TUSC3: variants seen among roughly 807,000 people sequenced by gnomAD.
The protein encoded by TUSC3 is tumor suppressor candidate 3, also known as dolichyl-diphosphooligosaccharide--protein glycosyltransferase subunit TUSC3.
Under a neutral mutation model 44.8 loss-of-function variants are expected in TUSC3, and 45 were observed. The ratio of observed to expected loss-of-function variants is 1.00; its 90% CI spans 0.79 to 1.29. TUSC3 has a LOEUF of 1.29. Among genes scored for constraint, TUSC3 ranks in the 50% most tolerant of loss-of-function variants. The pLI is 0.00. For synonymous variants in TUSC3, 212 were observed against 152.9 expected, an observed-to-expected ratio of 1.39 and a Z score of -2.85; for missense variants, 519 against 437.9, an observed-to-expected ratio of 1.19 and a Z score of -1.65.
At chr8:15,455,894 T>G (rs1800250823) in intron 1 of TUSC3, among the ~76,000 whole-genome samples, 1 of 152,186 alleles carries the variant, frequency 6.6e-6, no homozygotes, top group Non-Finnish European at 1.5e-5. Context: ...TCTGCTAAAG[T>G]GTAGCTTCCC....
At chr8:15,607,607 AC>A (rs1804585528) in intron 1 of TUSC3, among the ~76,000 whole-genome samples, 2 of 152,176 alleles carry the variant, frequency 1.3e-5, no homozygotes, top group Admixed American at 1.3e-4. Context: ...TACACTGAAT[AC>A]CCAGATATCG....
At chr8:15,583,994 G>A (rs907761721) in intron 1 of TUSC3, among the ~76,000 whole-genome samples, 1 of 152,200 alleles carries the variant, frequency 6.6e-6, no homozygotes, top group Non-Finnish European at 1.5e-5. Context: ...TTTGTCCTCT[G>A]TATTGCAGGG....
intron 3 of TUSC3, among the ~76,000 whole-genome samples, chr8:15,655,901 G>A (rs1159011633): frequency 6.6e-6 from 1 of 152,054 alleles, no homozygotes; most frequent in Admixed American, 6.6e-5. Context: ...TCTAAATTCT[G>A]TAGAAATAAT....
downstream of TUSC3, among the ~76,000 whole-genome samples, chr8:15,771,421 G>T (rs1297863250): frequency 1.3e-5 from 2 of 152,096 alleles, no homozygotes; most frequent in Non-Finnish European, 2.9e-5. Context: ...CCTTCAAGCT[G>T]AAAGGACAAC....
chr8:15,635,583 A>C (rs1478669144), intron 2 of TUSC3, among the ~76,000 whole-genome samples: 1 of 152,174 alleles, frequency 6.6e-6, no homozygotes, highest in Non-Finnish European at 1.5e-5. Context: ...AGCACAATGT[A>C]CTCTAACACA....
At chr8:15,537,915 A>T (rs1372907810), upstream of TUSC3, among the ~76,000 whole-genome samples, 1 of 152,220 alleles carries the variant, frequency 6.6e-6, no homozygotes, top group Non-Finnish European at 1.5e-5. Flanking sequence ...GGCTATTTTT[A>T]TGTCTCAAGG....
At chr8:15,554,965 A>AT (rs1802190381) in intron 1 of TUSC3, among the ~76,000 whole-genome samples, 1 of 151,436 alleles carries the variant, frequency 6.6e-6, no homozygotes, top group Non-Finnish European at 1.5e-5. Context: ...TCAGAAAGCA[A>AT]TGAAGCGCTG....
intron 2 of TUSC3, among the ~76,000 whole-genome samples, chr8:15,483,867 C>A (rs984417351): frequency 1.4e-5 from 2 of 146,100 alleles, no homozygotes; most frequent in Non-Finnish European, 3.0e-5. Flanking sequence ...CTGTGTTAGC[C>A]AGGGTGGTCT....
intron 2 of TUSC3, among the ~76,000 whole-genome samples, chr8:15,534,253 G>A (rs758442853): frequency 3.3e-5 from 5 of 152,076 alleles, no homozygotes; most frequent in South Asian, 4.1e-4. Context: ...TAAAGAGTCC[G>A]TAGAATTTAC....
At chr8:15,756,959 A>G (rs533885857) in intron 9 of TUSC3, among the ~76,000 whole-genome samples, 17 of 152,282 alleles carry the variant, frequency 1.1e-4, no homozygotes, top group Middle Eastern at 3.4e-3. Flanking sequence ...TCTGAGCAAG[A>G]TGGTGTCTCT....
intron 1 of TUSC3, among the ~76,000 whole-genome samples, chr8:15,577,295 G>T (rs1803155021): frequency 6.6e-6 from 1 of 151,592 alleles, no homozygotes. Context: ...TTCTTTTGCT[G>T]TGCAGAAGCT....
At chr8:15,425,950 A>G (rs993931901) in intron 1 of TUSC3, among the ~76,000 whole-genome samples, 1 of 152,228 alleles carries the variant, frequency 6.6e-6, no homozygotes, top group Non-Finnish European at 1.5e-5. Context: ...CAGGAGTTCA[A>G]GGCTGCAGTG....
At chr8:15,614,655 G>A (rs1043280718) in intron 1 of TUSC3, among the ~76,000 whole-genome samples, 2 of 152,064 alleles carry the variant, frequency 1.3e-5, no homozygotes, top group African/African-American at 4.8e-5. Context: ...GTATTCCATT[G>A]TGTGGACCTA....
At chr8:15,711,237 A>G (rs2129199730) in intron 6 of TUSC3, among the ~76,000 whole-genome samples, 1 of 151,886 alleles carries the variant, frequency 6.6e-6, no homozygotes, top group Middle Eastern at 3.4e-3. Context: ...GATCTACTTA[A>G]GCTGAGGCAG....
At chr8:15,536,880 GA>G (rs1388490441), upstream of TUSC3, among the ~76,000 whole-genome samples, 4 of 151,788 alleles carry the variant, frequency 2.6e-5, no homozygotes, top group Admixed American at 6.6e-5. Flanking sequence ...ATTCTCATCA[GA>G]TGGATTTTAT....
chr8:15,475,034 C>A (rs1800557081), intron 1 of TUSC3, among the ~76,000 whole-genome samples: 1 of 152,090 alleles, frequency 6.6e-6, no homozygotes, highest in African/African-American at 2.4e-5. Flanking sequence ...TGACGATGGC[C>A]AATTGCTATA....
intron 1 of TUSC3, among the ~76,000 whole-genome samples, chr8:15,481,657 T>G (rs1394732358): frequency 6.6e-6 from 1 of 152,198 alleles, no homozygotes; most frequent in African/African-American, 2.4e-5. Flanking sequence ...TAAGTTACAA[T>G]GTACTTTAGT....
intron 1 of TUSC3, among the ~76,000 whole-genome samples, chr8:15,425,836 C>G (rs1799796821): frequency 6.6e-6 from 1 of 152,130 alleles, no homozygotes; most frequent in Non-Finnish European, 1.5e-5. Context: ...TCAATGTATC[C>G]TATGTCAAAC....
chr8:15,472,544 T>C (rs751423346), intron 1 of TUSC3, among the ~76,000 whole-genome samples: 3 of 152,292 alleles, frequency 2.0e-5, no homozygotes, highest in South Asian at 2.1e-4. Context: ...CTCAATTTCT[T>C]CTGTAAGTAT....
Sources: allele counts gnomAD v4.1 joint callset (sites outside exome capture counted in the v4.1 genomes callset), GRCh38; gene constraint gnomAD v4.1.1; transcripts MANE v1.5; gene names NCBI Gene and HGNC (gene_info 2026-07-23, HGNC 2026-07-21).